Variants in TNIP3 observed in about 807,000 individuals in gnomAD.
TNIP3 encodes TNFAIP3 interacting protein 3, also known as TNFAIP3-interacting protein 3.
A neutral mutation model predicts 54.1 loss-of-function variants in TNIP3; 34 were observed. The observed-to-expected ratio is 0.63, with a 90% confidence interval of 0.48 to 0.84. The LOEUF (loss-of-function observed/expected upper bound fraction) is 0.84, where lower values mean the gene tolerates loss of function less well. Among genes scored for constraint, TNIP3 ranks in the 40% least tolerant of loss-of-function variants. The pLI is 0.00. For missense variants in TNIP3, 366 were observed against 387.6 expected (o/e 0.94, Z 0.47); for synonymous variants, 134 against 136.8 (o/e 0.98, Z 0.14).
chr4:121,210,021 G>A (rs1453595846), intron 2 of TNIP3, among the ~76,000 whole-genome samples: 1 of 152,110 alleles, frequency 6.6e-6, no homozygotes, highest in African/African-American at 2.4e-5. Flanking sequence ...TACCTAAGAA[G>A]CGTGATTTGA....
chr4:121,153,088 A>C (rs1346133627), intron 5 of TNIP3, among the ~76,000 whole-genome samples: 1 of 152,254 alleles, frequency 6.6e-6, no homozygotes, highest in East Asian at 1.9e-4. Flanking sequence ...GAGAGGTGAC[A>C]TTTGTATAAA....
At chr4:121,134,615 G>C (rs1417330415) in intron 10 of TNIP3, among the ~76,000 whole-genome samples, 1 of 152,140 alleles carries the variant, frequency 6.6e-6, no homozygotes, top group African/African-American at 2.4e-5. Flanking sequence ...TTTAGTTTTT[G>C]AAAGAAGGGT....
At chr4:121,145,783 G>T (rs116719278) in intron 7 of TNIP3, among the ~76,000 whole-genome samples, 1 of 151,624 alleles carries the variant, frequency 6.6e-6, no homozygotes. Context: ...AAAACAGTTT[G>T]TGCAGAGACA....
intron 2 of TNIP3, among the ~76,000 whole-genome samples, chr4:121,203,339 A>G (rs1329957920): frequency 6.6e-6 from 1 of 152,188 alleles, no homozygotes; most frequent in East Asian, 1.9e-4. Flanking sequence ...AGAATTAGAG[A>G]CCATTATTCT....
intron 8 of TNIP3, among the ~76,000 whole-genome samples, chr4:121,142,229 A>T (rs1729162743): frequency 6.6e-6 from 1 of 152,146 alleles, no homozygotes; most frequent in South Asian, 2.1e-4. Flanking sequence ...AAATCTATTC[A>T]TTGAGTCATA....
intron 4 of TNIP3, 102 bp from the exon 5 acceptor site, chr4:121,154,781 G>T: frequency 2.7e-6 from 3 of 1,103,726 alleles, no homozygotes; most frequent in Non-Finnish European, 3.8e-6. Flanking sequence ...AGATTGAGGG[G>T]TCACCCTTCT....
chr4:121,142,155 T>A (rs997623157), intron 8 of TNIP3, among the ~76,000 whole-genome samples: 3 of 152,156 alleles, frequency 2.0e-5, no homozygotes, highest in Non-Finnish European at 4.4e-5. Flanking sequence ...TAGACACACT[T>A]GAAAAGTATA....
chr4:121,150,106 C>A lies in TNIP3; in HGVS notation c.606G>T (p.Gln202His). Residue 202 changes from glutamine to histidine, a missense_variant, in exon 6 of 11, where the codon CAG (glutamine) becomes CAT (histidine). Gln to His is a conservative substitution (Grantham distance 24, BLOSUM62 0). Transcript: ENST00000057513. ...EMRTEMEVLKQQVQIYEEDFK... is the reference protein window; with the variant it reads ...EMRTEMEVLKHQVQIYEEDFK... ...CATGCCACTTCCAGCTTCTCACCTGCTGCTTCAGAACTTCCATTTCTGTTC... is the reference window on the plus strand; with the variant it reads ...CATGCCACTTCCAGCTTCTCACCTGATGCTTCAGAACTTCCATTTCTGTTC... The A allele has an allele frequency of 6.2e-7, 1 of 1,609,428 alleles. No individual in the cohort carries two copies.
At chr4:121,224,465 C>G (rs918708723) in intron 1 of TNIP3, among the ~76,000 whole-genome samples, 2 of 152,132 alleles carry the variant, frequency 1.3e-5, no homozygotes, top group Admixed American at 1.3e-4. Flanking sequence ...TGGCTTTTAC[C>G]TGTAAAGCTC....
intron 1 of TNIP3, among the ~76,000 whole-genome samples, chr4:121,224,855 TG>T (rs1470886188): frequency 6.6e-6 from 1 of 152,094 alleles, no homozygotes; most frequent in Non-Finnish European, 1.5e-5. Context: ...GTAAAGAGTT[TG>T]GGGGAAAATG....
At chr4:121,218,722 A>G (rs1726908230), upstream of TNIP3, among the ~76,000 whole-genome samples, 1 of 151,942 alleles carries the variant, frequency 6.6e-6, no homozygotes, top group Admixed American at 6.6e-5. Flanking sequence ...ATTACAGTGC[A>G]CTATAGTTCT....
rs538355504 is a variant in TNIP3, at chr4:121,191,995, CTA to C, written c.69-9201_69-9200del. ...TAGATACCATATATTTAAGAGCTGT[CTA>C]AAAATTTTATAATAGAAATGCATTA... is the stretch of plus-strand genomic sequence containing the variant. On this transcript the variant is annotated intron_variant, in intron 2 of 12. Coordinates refer to the TNIP3 transcript ENST00000507879. Among the ~76,000 whole-genome samples the C allele has an allele frequency of 2.8e-3, 427 of 152,210 alleles. 5 individuals are homozygous for C. Among genetic ancestry groups the C allele is most frequent in the African/African-American group, 9.9e-3 (412 of 41,542 alleles).
At chr4:121,156,527 T>G (rs960096561) in intron 4 of TNIP3, among the ~76,000 whole-genome samples, 1 of 152,202 alleles carries the variant, frequency 6.6e-6, no homozygotes, top group African/African-American at 2.4e-5. Context: ...CATCTCAGCT[T>G]TCTCATTTTT....
At chr4:121,149,866 T>C (rs1284002155) in intron 6 of TNIP3, among the ~76,000 whole-genome samples, 1 of 152,216 alleles carries the variant, frequency 6.6e-6, no homozygotes, top group Non-Finnish European at 1.5e-5. Flanking sequence ...TTTAATTGTG[T>C]GATCTTGGGT....
chr4:121,176,416 C>G (rs1724343235), intron 3 of TNIP3, among the ~76,000 whole-genome samples: 1 of 151,848 alleles, frequency 6.6e-6, no homozygotes, highest in African/African-American at 2.4e-5. Flanking sequence ...ACAGCTACAA[C>G]CTTTGAAATT....
intron 3 of TNIP3, 179 bp from the exon 4 acceptor site, chr4:121,157,422 T>C: frequency 1.3e-6 from 1 of 754,542 alleles, no homozygotes; most frequent in Non-Finnish European, 2.1e-6. Context: ...CAAAGGGAGC[T>C]TGGCCTTGCA....
chr4:121,177,760 T>C (rs1281337049), intron 3 of TNIP3, among the ~76,000 whole-genome samples: 2 of 152,048 alleles, frequency 1.3e-5, no homozygotes, highest in Non-Finnish European at 2.9e-5. Flanking sequence ...TCAGCAAAAA[T>C]GTGAAGGTCT....
intron 2 of TNIP3, among the ~76,000 whole-genome samples, chr4:121,185,569 C>T (rs1375339449): frequency 6.6e-6 from 1 of 152,148 alleles, no homozygotes; most frequent in Non-Finnish European, 1.5e-5. Context: ...CACAGTAGGA[C>T]ATCAATAAGG....
intron 2 of TNIP3, among the ~76,000 whole-genome samples, chr4:121,184,678 TATC>T (rs1167495378): frequency 1.3e-5 from 2 of 152,180 alleles, no homozygotes; most frequent in Admixed American, 6.5e-5. Flanking sequence ...TGGTTTCCGT[TATC>T]TATAATCAAA....
Sources: gnomAD v4.1 joint callset for allele counts (sites outside exome capture counted in the v4.1 genomes callset) on GRCh38, gnomAD v4.1.1 for gene constraint, MANE v1.5 for transcripts, NCBI Gene and HGNC (gene_info 2026-07-23, HGNC 2026-07-21) for gene names.